The following TET1 variants were observed in gnomAD, a reference collection of about 807,000 sequenced individuals.
TET1 encodes tet methylcytosine dioxygenase 1.
Under a neutral mutation model 148.7 loss-of-function variants are expected in TET1, and 13 were observed. The ratio of observed to expected loss-of-function variants is 0.09; its 90% CI spans 0.06 to 0.14. The LOEUF is 0.14. Among genes scored for constraint, TET1 ranks in the 10% least tolerant of loss-of-function variants. The pLI, the probability that TET1 is intolerant of heterozygous loss-of-function variation, is 1.00. For synonymous variants in TET1, 907 were observed against 937.2 expected (o/e 0.97, Z 0.59); for missense variants, 2,182 against 2,553.8 (o/e 0.85, Z 3.14).
intron 3 of TET1, among the ~76,000 whole-genome samples, chr10:68,630,914 A>G (rs1029919000): frequency 6.6e-6 from 1 of 152,182 alleles, no homozygotes; most frequent in African/African-American, 2.4e-5. Context: ...GGGGGCACTC[A>G]GCCTTTTATC....
chr10:68,635,116 A>T (rs950755820), intron 3 of TET1, among the ~76,000 whole-genome samples: 5 of 150,390 alleles, frequency 3.3e-5, no homozygotes, highest in African/African-American at 9.7e-5. Flanking sequence ...TAATATATAT[A>T]TTTTTTCCAA....
intron 6 of TET1, among the ~76,000 whole-genome samples, chr10:68,659,550 C>T (rs1232738591): frequency 6.6e-6 from 1 of 152,118 alleles, no homozygotes; most frequent in Non-Finnish European, 1.5e-5. Context: ...AACTCCTGAC[C>T]TTAAGTGATC....
intron 3 of TET1, chr10:68,632,489 G>T: frequency 6.2e-7 from 1 of 1,612,928 alleles, no homozygotes; most frequent in Non-Finnish European, 8.5e-7. Context: ...GGTTCATTAG[G>T]ATCTGTTGTG....
chr10:68,585,895 C>T (rs1381627312), intron 2 of TET1, among the ~76,000 whole-genome samples: 7 of 151,254 alleles, frequency 4.6e-5, no homozygotes, highest in African/African-American at 9.7e-5. Flanking sequence ...GTAGTCCCAG[C>T]TACTCAGGAG....
chr10:68,596,146 C>A (rs2053987163), intron 2 of TET1, among the ~76,000 whole-genome samples: 1 of 150,022 alleles, frequency 6.7e-6, no homozygotes, highest in African/African-American at 2.5e-5. Flanking sequence ...TCAAGCGATT[C>A]TCCTGCCTCA....
intron 3 of TET1, chr10:68,632,668 T>C (rs2133034588): frequency 5.6e-6 from 9 of 1,601,398 alleles, no homozygotes; most frequent in East Asian, 4.5e-5. Context: ...AAAGAAGATA[T>C]TATATGAAGG....
intron 4 of TET1, among the ~76,000 whole-genome samples, chr10:68,649,325 C>T (rs552492872): frequency 5.3e-5 from 8 of 152,220 alleles, no homozygotes; most frequent in Non-Finnish European, 1.2e-4. Context: ...GAACACTTTT[C>T]GGCTGGGTGC....
chr10:68,625,992 G>A (rs1350351481), intron 3 of TET1, among the ~76,000 whole-genome samples: 2 of 151,512 alleles, frequency 1.3e-5, no homozygotes, highest in South Asian at 2.1e-4. Context: ...GCTGAGGGGG[G>A]AGAATCACTT....
chr10:68,632,256 A>C, intron 3 of TET1: 1 of 837,680 alleles, frequency 1.2e-6, no homozygotes, highest in South Asian at 1.8e-5. Flanking sequence ...CGGGAGGCGG[A>C]GCTTGCAGTG....
In TET1 at chr10:68,693,986, ACTTGAAGAATAAAAACTACCCTCAGAAAT is replaced by A; in HGVS notation, c.*2173_*2201del. On this transcript the variant is annotated 3_prime_UTR_variant, in exon 12 of 12. Coordinates refer to ENST00000373644, the MANE Select transcript of TET1 (RefSeq NM_030625.3). The stretch of plus-strand genomic sequence containing the variant: ...TGGATCACCACCTATGACATAGTAA[ACTTGAAGAATAAAAACTACCCTCAGAAAT>A]ATTTTTAAAAGAAGTAGCAAATTAT... The A allele has an allele frequency of 4.3e-6, 1 of 230,768 alleles. No individual in the cohort carries two copies. Among genetic ancestry groups the A allele is most frequent in the Non-Finnish European group, 8.6e-6 (1 of 116,568 alleles). The allele number at this position is 230,768 out of a possible 1,614,324, so 14.3% of individuals were successfully genotyped here. A position where few individuals can be genotyped will look rare whatever the true frequency, so the allele number is the denominator to read the frequency against.
At chr10:68,687,970 C>G (rs547979936) in intron 11 of TET1, among the ~76,000 whole-genome samples, 1 of 152,030 alleles carries the variant, frequency 6.6e-6, no homozygotes, top group African/African-American at 2.4e-5. Flanking sequence ...GTTGCCAAAG[C>G]TGGAGTACAA....
At position 68,661,083 on chromosome 10, in the gene TET1, G is replaced by A. The variant is rs557687061; in HGVS notation, c.4462-5962G>A. Among the ~76,000 whole-genome samples, 363 of 151,060 alleles carry A rather than the reference G, an allele frequency of 2.4e-3. 1 individual carries two copies. The highest frequency in any genetic ancestry group is 4.0e-3 in the Non-Finnish European group (273 of 67,732). On this transcript the variant is annotated intron_variant, in intron 6 of 11. Coordinates refer to ENST00000373644, the MANE Select transcript of TET1 (RefSeq NM_030625.3). Reference sequence around the variant, plus strand: ...CTTGCTCTGTCGCCCAGGCTGGAGTGCAGTGGTGCGATCTCGGCTCACTGC... The same window carrying A: ...CTTGCTCTGTCGCCCAGGCTGGAGTACAGTGGTGCGATCTCGGCTCACTGC...
intron 3 of TET1, chr10:68,632,271 G>C (rs1589095208): frequency 1.0e-6 from 1 of 987,410 alleles, no homozygotes; most frequent in East Asian, 2.6e-5. Flanking sequence ...GCAGTGAGCC[G>C]AGATCCCGCC....
At chr10:68,606,608 A>AAC (rs1261914565) in intron 3 of TET1, among the ~76,000 whole-genome samples, 1 of 146,608 alleles carries the variant, frequency 6.8e-6, no homozygotes, top group African/African-American at 2.4e-5. Flanking sequence ...AACAAAAACA[A>AAC]AAAAAAAAAC....
chr10:68,624,568 C>T (rs1237816948), intron 3 of TET1, among the ~76,000 whole-genome samples: 4 of 151,968 alleles, frequency 2.6e-5, no homozygotes, highest in Non-Finnish European at 5.9e-5. Context: ...GGATTACAGG[C>T]GTGAGCCACC....
intron 2 of TET1, among the ~76,000 whole-genome samples, chr10:68,593,904 G>T (rs1033623573): frequency 1.5e-5 from 2 of 131,116 alleles, no homozygotes; most frequent in Non-Finnish European, 3.2e-5. Flanking sequence ...GTGAGCCACT[G>T]CGCCTGAGCT....
intron 6 of TET1, among the ~76,000 whole-genome samples, chr10:68,655,777 C>T (rs2055012663): frequency 6.6e-6 from 1 of 152,084 alleles, no homozygotes; most frequent in Non-Finnish European, 1.5e-5. Context: ...GGATATCTGT[C>T]TGTGTTGCCT....
Position 68,572,886 on chromosome 10 carries a change from G to A in TET1, c.548G>A (p.Gly183Asp). 1 of 1,614,096 alleles carries A rather than the reference G, an allele frequency of 6.2e-7. No individual in the cohort carries two copies. Among genetic ancestry groups the A allele is most frequent in the South Asian group, 1.1e-5 (1 of 91,078 alleles). ...IGVQNPSLLK[G>D]KSQETTQFWS... ...GTACAAAATCCCTCTTTACTTAAAG[G>A]TAAGAGCCAAGAGACAACTCAGTTT... The change falls in exon 2 of 12, where the codon GGT becomes GAT. Residue 183 changes from glycine to aspartate, a missense_variant. By Grantham distance (94) the Gly-to-Asp change is moderately conservative (BLOSUM62 -1). This residue lies in a region of TET1 where 665 missense variants were observed against 672.4 expected (regional missense o/e 0.99). Transcript: ENST00000373644.
chr10:68,567,459 T>G (rs186823341), intron 1 of TET1, among the ~76,000 whole-genome samples: 1 of 152,040 alleles, frequency 6.6e-6, no homozygotes, highest in East Asian at 2.0e-4. Flanking sequence ...CACGCCCGGC[T>G]AATTTTGTAT....
Sources: allele counts gnomAD v4.1 joint callset (sites outside exome capture counted in the v4.1 genomes callset), GRCh38; gene constraint gnomAD v4.1.1; regional missense constraint gnomAD v4.1.1; transcripts MANE v1.5; gene names NCBI Gene and HGNC (gene_info 2026-07-23, HGNC 2026-07-21).